The following RPP30 variants were observed in gnomAD, a reference collection of about 807,000 sequenced individuals.
RPP30 encodes ribonuclease P/MRP subunit p30.
In RPP30, 36 loss-of-function variants were observed where a neutral mutation model predicts 38.6. The observed-to-expected ratio is 0.93, with a 90% confidence interval of 0.71 to 1.23. The LOEUF (loss-of-function observed/expected upper bound fraction) is 1.23, where lower values mean the gene tolerates loss of function less well. Ranked by LOEUF, RPP30 falls within the 50% of genes most tolerant of loss-of-function variation. The probability of loss-of-function intolerance (pLI) is 0.00; values close to 1 mark genes in which losing one functional copy is unlikely to be tolerated. For missense variants in RPP30, 321 were observed against 321.7 expected (o/e 1.00, Z 0.02); for synonymous variants, 126 against 112.7 (o/e 1.12, Z -0.75).
chr10:90,888,285 T>C (rs1204628134), intron 6 of RPP30, among the ~76,000 whole-genome samples: 1 of 152,224 alleles, frequency 6.6e-6, no homozygotes, highest in Non-Finnish European at 1.5e-5. Flanking sequence ...GGAGCTAGCA[T>C]GTGATGTTAA....
chr10:90,885,597 T>C (rs1465297007), intron 5 of RPP30, among the ~76,000 whole-genome samples: 2 of 152,200 alleles, frequency 1.3e-5, no homozygotes, highest in Non-Finnish European at 2.9e-5. Flanking sequence ...TCTGTGGACA[T>C]ATTCCGCTTT....
At chr10:90,880,367 C>CAG (rs35764735) in intron 5 of RPP30, among the ~76,000 whole-genome samples, 73,572 of 151,814 alleles carry the variant, frequency 0.48, 21,363 homozygotes, top group African/African-American at 0.83. Context: ...TTTATATTAA[C>CAG]AGAGAAACAG....
downstream of RPP30, chr10:90,903,134 G>A (rs1027944677): frequency 2.1e-6 from 2 of 934,416 alleles, no homozygotes; most frequent in Admixed American, 1.8e-5. Flanking sequence ...GGGGTGATCA[G>A]TAAAAACTCT....
rs754138092 is a variant in RPP30 at position 90,879,091 on chromosome 10, A to G, written c.299A>G (p.Tyr100Cys). The change falls in exon 5 of 11, where the codon TAT (tyrosine) becomes TGT (cysteine). Residue 100 changes from tyrosine (Y) to cysteine (C), a missense_variant. By Grantham distance (194) the Tyr-to-Cys change is radical. Transcript: ENST00000371703. ...LRATSSRARLYDVVAVFPKTE... is the reference protein window; with the variant it reads ...LRATSSRARLCDVVAVFPKTE... Reference sequence around the variant, plus strand: ...GCAACTTCTTCAAGGGCCCGGCTCTATGATGTTGTTGCAGTTTTTCCAAAG... The same window carrying G: ...GCAACTTCTTCAAGGGCCCGGCTCTGTGATGTTGTTGCAGTTTTTCCAAAG... 1.9e-6 allele frequency: 3 copies of G among 1,614,036 alleles called. No homozygotes were observed. Among genetic ancestry groups the G allele is most frequent in the East Asian group, 2.2e-5 (1 of 44,854 alleles).
At position 90,884,243 on chromosome 10, in the gene RPP30, C is replaced by CT. The variant is rs556257209; in HGVS notation, c.343-1567dup. On this transcript the variant is annotated intron_variant, in intron 5 of 10. Transcript: ENST00000371703. ...TTTAGAGTCTCTGCACTTATAGAGA[C>CT]TTCTCTATAGGAGACTCCACTTATA... Among the ~76,000 whole-genome samples the CT allele has an allele frequency of 2.7e-3, 405 of 152,288 alleles. 1 individual carries two copies. The highest frequency in any genetic ancestry group is 0.01 in the Middle Eastern group (3 of 294).
At chr10:90,906,270 G>A (rs1847254365), downstream of RPP30, among the ~76,000 whole-genome samples, 1 of 152,144 alleles carries the variant, frequency 6.6e-6, no homozygotes, top group African/African-American at 2.4e-5. Flanking sequence ...CAAAGGGGAG[G>A]AATGAGAAGT....
intron 6 of RPP30, among the ~76,000 whole-genome samples, chr10:90,887,367 A>G (rs115590097): frequency 0.019 from 2,822 of 152,130 alleles, 81 homozygotes; most frequent in African/African-American, 0.065. Context: ...GGAAAAACAT[A>G]AAAGCTCTTG....
intron 5 of RPP30, among the ~76,000 whole-genome samples, chr10:90,884,016 G>C (rs895215019): frequency 6.6e-6 from 1 of 151,846 alleles, no homozygotes; most frequent in African/African-American, 2.4e-5. Flanking sequence ...CAGTTTCTTA[G>C]AGGTTGTTCC....
At chr10:90,878,491 T>A (rs534760313) in intron 4 of RPP30, among the ~76,000 whole-genome samples, 1 of 152,118 alleles carries the variant, frequency 6.6e-6, no homozygotes, top group African/African-American at 2.4e-5. Context: ...TTCTTTCTTC[T>A]TCTTCATTTT....
chr10:90,884,165 AT>A (rs1179949695), intron 5 of RPP30, among the ~76,000 whole-genome samples: 1 of 152,196 alleles, frequency 6.6e-6, no homozygotes, highest in Non-Finnish European at 1.5e-5. Flanking sequence ...AATGACTGTC[AT>A]TGTACTAATG....
chr10:90,874,439 T>C (rs1846824048), intron 1 of RPP30, among the ~76,000 whole-genome samples: 1 of 152,122 alleles, frequency 6.6e-6, no homozygotes, highest in Admixed American at 6.5e-5. Flanking sequence ...AGTGATAAAG[T>C]AGGAACTTGA....
chr10:90,875,060 A>G (rs886980491), intron 2 of RPP30, 136 bp downstream of exon 2: 1 of 508,100 alleles, frequency 2.0e-6, no homozygotes, highest in East Asian at 3.2e-5. Flanking sequence ...TCTATTTTAT[A>G]TAGAAACAGT....
At chr10:90,889,163 G>A (rs74729339) in intron 6 of RPP30, among the ~76,000 whole-genome samples, 7 of 152,128 alleles carry the variant, frequency 4.6e-5, no homozygotes, top group African/African-American at 1.7e-4. Flanking sequence ...GGAGCTGTTT[G>A]TCTACATAAA....
chr10:90,881,200 C>T (rs1390835759), intron 5 of RPP30, among the ~76,000 whole-genome samples: 2 of 152,120 alleles, frequency 1.3e-5, no homozygotes, highest in South Asian at 2.1e-4. Context: ...CTTTCAAAAA[C>T]GTTTACATAT....
chr10:90,907,879 T>TC (rs910176508), downstream of RPP30, among the ~76,000 whole-genome samples: 5 of 152,214 alleles, frequency 3.3e-5, no homozygotes, highest in African/African-American at 1.2e-4. Context: ...AGGGATACGT[T>TC]CTGAAAGGTG....
At chr10:90,895,723 T>C in intron 8 of RPP30, 157 bp from the exon 9 acceptor site, 2 of 569,876 alleles carry the variant, frequency 3.5e-6, no homozygotes, top group Non-Finnish European at 5.8e-6. Flanking sequence ...GCTTCTCTTA[T>C]ATTTTCAAAA....
rs755473443 is a variant in RPP30, at chr10:90,895,495, A to G, written c.579+12A>G. ...GTGCTGCAGAAAGGGTAAGTCTAGC[A>G]TGAAGTACTTTGTTTTCATCTTTCA... On this transcript the variant is annotated intron_variant, in intron 8 of 10. Transcript: ENST00000371703. 3.9e-5 allele frequency: 53 copies of G among 1,363,554 alleles called. No homozygotes were observed. The highest frequency in any genetic ancestry group is 4.9e-5 in the Non-Finnish European group (51 of 1,038,074). The allele number at this position is 1,363,554 out of a possible 1,614,324, so 84.5% of individuals were successfully genotyped here.
chr10:90,890,306 G>A lies in RPP30; in HGVS notation c.432+4405G>A, dbSNP rs185791058. On this transcript the variant is annotated intron_variant, in intron 6 of 10. Coordinates refer to ENST00000371703, the MANE Select transcript of RPP30 (RefSeq NM_006413.5). Reference sequence around the variant, plus strand: ...AAGAAGGATGTTCTTAAAACAGCACGTATCTCTTTACTTTCCCTTTGATTT... The same window carrying A: ...AAGAAGGATGTTCTTAAAACAGCACATATCTCTTTACTTTCCCTTTGATTT... 1.1e-4 allele frequency among the ~76,000 whole-genome samples: 16 copies of A among 152,290 alleles called. No individual in the cohort carries two copies. In the East Asian group the frequency reaches 2.7e-3, roughly 26 times the overall value.
rs1333052484 is a variant in RPP30 at position 90,885,880 on chromosome 10, C to T, written c.411C>T (p.Phe137=). ...ITVTEKLPFY[F]KRPPINVAID... ...TAACAGAGAAACTACCATTTTACTT[C>T]AAAAGACCTCCTATTAATGTGGTAA... The change falls in exon 6 of 11, where the codon TTC becomes TTT. Residue 137 remains phenylalanine, a synonymous_variant. Transcript: ENST00000371703. 1.2e-6 allele frequency: 2 copies of T among 1,603,056 alleles called. No individual in the cohort carries two copies. The highest frequency in any genetic ancestry group is 1.7e-4 in the Middle Eastern group (1 of 6,038).
Sources: allele counts gnomAD v4.1 joint callset (sites outside exome capture counted in the v4.1 genomes callset), GRCh38; gene constraint gnomAD v4.1.1; transcripts MANE v1.5; gene names NCBI Gene and HGNC (gene_info 2026-07-23, HGNC 2026-07-21).